The following CCDC175 variants were observed in gnomAD, a reference collection of about 807,000 sequenced individuals.
The protein encoded by CCDC175 is coiled-coil domain-containing protein 175.
Under a neutral mutation model 114.6 loss-of-function variants are expected in CCDC175, and 100 were observed. The observed-to-expected ratio is 0.87, with a 90% CI of 0.74 to 1.03. The LOEUF is 1.03. Ranked by LOEUF, CCDC175 falls within the 50% of genes least tolerant of loss-of-function variation. CCDC175 has a pLI of 0.00. For synonymous variants in CCDC175, 306 were observed against 308.7 expected (o/e 0.99, Z 0.09); for missense variants, 880 against 917.8 (o/e 0.96, Z 0.53).
chr14:59,548,280 G>C (rs1370799383), intron 8 of CCDC175, among the ~76,000 whole-genome samples: 1 of 152,136 alleles, frequency 6.6e-6, no homozygotes, highest in African/African-American at 2.4e-5. Context: ...TAGAATGGTG[G>C]TTGCCAAGGG....
chr14:59,565,931 T>C (rs1392338494), intron 4 of CCDC175, among the ~76,000 whole-genome samples: 1 of 152,186 alleles, frequency 6.6e-6, no homozygotes, highest in Non-Finnish European at 1.5e-5. Context: ...TTTTGATATG[T>C]ATTGTCATCA....
At chr14:59,540,219 C>G (rs1449497381) in intron 11 of CCDC175, among the ~76,000 whole-genome samples, 1 of 152,142 alleles carries the variant, frequency 6.6e-6, no homozygotes, top group Non-Finnish European at 1.5e-5. Flanking sequence ...AAGGTAGATA[C>G]TGTTATCCTT....
At chr14:59,558,398 C>T (rs1896040533) in intron 7 of CCDC175, among the ~76,000 whole-genome samples, 1 of 152,102 alleles carries the variant, frequency 6.6e-6, no homozygotes, top group Non-Finnish European at 1.5e-5. Context: ...TGGTGGTGAT[C>T]CAGAAAAGAT....
In CCDC175 at chr14:59,572,752, AG is replaced by A; in HGVS notation, c.304del (p.Leu102TyrfsTer26). 6.6e-7 allele frequency: 1 copy of A among 1,521,094 alleles called. No individual in the cohort carries two copies. Among genetic ancestry groups the A allele is most frequent in the East Asian group, 2.5e-5 (1 of 40,062 alleles). 94.2% of individuals were successfully genotyped at this position (1,521,094 alleles called of 1,614,324 possible). A position where few individuals can be genotyped will look rare whatever the true frequency, so the allele number is the denominator to read the frequency against. ...LEIESMELNKLYYLLETLPNS... is the reference protein window; with the variant it reads ...LEIESMELNKXYYLLETLPNS... ...GGGAAGAGTTTCCAATAGATAGTAT[AG>A]TTTGTTGAGTTCCATGCTTTCAATC... is the stretch of plus-strand genomic sequence containing the variant. On this transcript the variant is annotated frameshift_variant, in exon 3 of 20. Transcript: ENST00000537690. LOFTEE classifies it high-confidence loss of function.
chr14:59,552,068 C>T (rs559698598), intron 7 of CCDC175, among the ~76,000 whole-genome samples: 1 of 152,352 alleles, frequency 6.6e-6, no homozygotes, highest in African/African-American at 2.4e-5. Flanking sequence ...CAAAAGGCAG[C>T]AGAAACCTCT....
intron 8 of CCDC175, among the ~76,000 whole-genome samples, chr14:59,550,232 G>C (rs1027766652): frequency 6.6e-6 from 1 of 152,056 alleles, no homozygotes; most frequent in Non-Finnish European, 1.5e-5. Context: ...TATAGTATTT[G>C]TCACTCAATA....
intron 19 of CCDC175, among the ~76,000 whole-genome samples, chr14:59,506,877 A>T (rs1892445287): frequency 6.6e-6 from 1 of 152,132 alleles, no homozygotes; most frequent in African/African-American, 2.4e-5. Flanking sequence ...TCATCCTAAA[A>T]ATGTCTTCCA....
At chr14:59,573,269 A>C (rs1361422882) in intron 2 of CCDC175, among the ~76,000 whole-genome samples, 1 of 152,212 alleles carries the variant, frequency 6.6e-6, no homozygotes, top group Non-Finnish European at 1.5e-5. Flanking sequence ...TACTTTAAGA[A>C]AGGAAACACT....
Position 59,576,779 on chromosome 14 carries a change from G to C in CCDC175, c.-4C>G, listed in dbSNP as rs550649639. On this transcript the variant is annotated 5_prime_UTR_variant, in exon 1 of 20. Coordinates refer to ENST00000537690, the MANE Select transcript of CCDC175 (RefSeq NM_001164399.2). ...GGGTCCAGGGGCTCAGGGCCATTTT[G>C]CCGCTCTACTTGAGCGCCTCCTAAG... is the stretch of plus-strand genomic sequence containing the variant. 3.8e-5 allele frequency: 55 copies of C among 1,435,150 alleles called. No homozygotes were observed. The highest frequency in any genetic ancestry group is 4.9e-5 in the Non-Finnish European group (54 of 1,106,182). 88.9% of individuals were successfully genotyped at this position (1,435,150 alleles called of 1,614,324 possible).
At chr14:59,562,658 A>G (rs989342468) in intron 6 of CCDC175, among the ~76,000 whole-genome samples, 12 of 152,292 alleles carry the variant, frequency 7.9e-5, no homozygotes, top group African/African-American at 2.9e-4. Flanking sequence ...CCGCCTTCAA[A>G]ATAATTTGGG....
At chr14:59,540,865 GC>G in intron 10 of CCDC175, 119 bp from the exon 11 acceptor site, 1 of 853,436 alleles carries the variant, frequency 1.2e-6, no homozygotes, top group Non-Finnish European at 1.8e-6. Context: ...GACAAAATAA[GC>G]CTTGTGAAAC....
chr14:59,574,316 T>C (rs1896989789), intron 2 of CCDC175, among the ~76,000 whole-genome samples: 1 of 152,214 alleles, frequency 6.6e-6, no homozygotes, highest in Admixed American at 6.5e-5. Context: ...CCTTCACTAC[T>C]CTGACTGTGC....
intron 18 of CCDC175, among the ~76,000 whole-genome samples, chr14:59,511,175 G>A (rs766303161): frequency 1.3e-5 from 2 of 152,146 alleles, no homozygotes; most frequent in Non-Finnish European, 2.9e-5. Context: ...ATTCCCATAC[G>A]TTCATGAACT....
intron 1 of CCDC175, 32 bp from the exon 2 acceptor site, chr14:59,575,060 T>C: frequency 8.2e-7 from 1 of 1,217,004 alleles, no homozygotes; most frequent in South Asian, 1.4e-5. Flanking sequence ...AAAGATCTCT[T>C]ATTTATCTAT....
rs1389492849 is a variant in CCDC175 at position 59,525,452 on chromosome 14, C to T, written c.1843-18G>A. ...ACATCTTCCTGCTCAAACAGAAAAC[C>T]CCAAATTATCTCTGAGTTCAAACAG... is the stretch of plus-strand genomic sequence containing the variant. On this transcript the variant is annotated intron_variant, in intron 15 of 19. Coordinates refer to ENST00000537690, the MANE Select transcript of CCDC175 (RefSeq NM_001164399.2). 6 of 1,508,266 alleles carry T rather than the reference C, an allele frequency of 4.0e-6. No individual in the cohort carries two copies. The South Asian group carries it at 5.0e-5, about 13-fold the overall frequency. 93.4% of individuals were successfully genotyped at this position (1,508,266 alleles called of 1,614,324 possible). A position where few individuals can be genotyped will look rare whatever the true frequency, so the allele number is the denominator to read the frequency against.
intron 2 of CCDC175, among the ~76,000 whole-genome samples, chr14:59,573,368 AC>A (rs1896938569): frequency 1.3e-5 from 2 of 152,120 alleles, no homozygotes; most frequent in Admixed American, 1.3e-4. Context: ...GACCTGAGAA[AC>A]TGCCATTATA....
At chr14:59,546,990 A>AGC (rs1895150214) in intron 8 of CCDC175, among the ~76,000 whole-genome samples, 1 of 152,164 alleles carries the variant, frequency 6.6e-6, no homozygotes, top group Non-Finnish European at 1.5e-5. Flanking sequence ...CTGTAATCCT[A>AGC]GCACTTTGAG....
chr14:59,535,331 G>A (rs1313566738), intron 13 of CCDC175, among the ~76,000 whole-genome samples: 1 of 152,092 alleles, frequency 6.6e-6, no homozygotes, highest in Non-Finnish European at 1.5e-5. Context: ...GCGATCTACT[G>A]ATCATCTCAT....
At position 59,540,674 on chromosome 14, in the gene CCDC175, C is replaced by CAAA; in HGVS notation, c.1355_1355+1insTTT (p.Cys452_Val453insPhe). The CAAA allele has an allele frequency of 1.3e-6, 1 of 769,702 alleles. No homozygotes were observed. The highest frequency in any genetic ancestry group is 1.8e-6 in the Non-Finnish European group (1 of 562,300). The allele number at this position is 769,702 out of a possible 1,614,324, so 47.7% of individuals were successfully genotyped here. ...TTTTTTTTTTTTTTTTTTTTTTTTA[C>CAAA]CATCTCTGACTTTCTCTTTCCAGGT... On this transcript the variant is annotated inframe_insertion and splice_region_variant. Transcript: ENST00000537690.
Sources: gnomAD v4.1 joint callset for allele counts (sites outside exome capture counted in the v4.1 genomes callset) on GRCh38, gnomAD v4.1.1 for gene constraint, MANE v1.5 for transcripts, NCBI Gene and HGNC (gene_info 2026-07-23, HGNC 2026-07-21) for gene names.